Variants in MPP7 observed in about 807,000 individuals in gnomAD.
The protein encoded by MPP7 is MAGUK p55 scaffold protein 7, also known as MAGUK p55 subfamily member 7.
A neutral mutation model predicts 76.5 loss-of-function variants in MPP7; 60 were observed. The observed-to-expected ratio is 0.78, with a 90% CI of 0.64 to 0.97. The LOEUF (loss-of-function observed/expected upper bound fraction) is 0.97. MPP7 is among the 50% of genes least tolerant of loss of function. The pLI is 0.00. For missense variants in MPP7, 641 were observed against 694.0 expected, an observed-to-expected ratio of 0.92 and a Z score of 0.86; for synonymous variants, 237 against 244.5, an observed-to-expected ratio of 0.97 and a Z score of 0.29.
At chr10:28,153,655 A>G (rs2133790658) in intron 3 of MPP7, among the ~76,000 whole-genome samples, 1 of 152,342 alleles carries the variant, frequency 6.6e-6, no homozygotes, top group African/African-American at 2.4e-5. Context: ...ATAAATGTTT[A>G]ATTTTAGTGA....
intron 3 of MPP7, among the ~76,000 whole-genome samples, chr10:28,189,630 CTGTA>C (rs1837347955): frequency 9.2e-6 from 1 of 108,396 alleles, no homozygotes; most frequent in Non-Finnish European, 1.9e-5. Context: ...GTGTTGCTAA[CTGTA>C]GGGCAAGCAC....
intron 2 of MPP7, among the ~76,000 whole-genome samples, chr10:28,235,751 A>G (rs1839052342): frequency 6.6e-6 from 1 of 152,224 alleles, no homozygotes; most frequent in Admixed American, 6.5e-5. Context: ...GGTAGCATGC[A>G]CCATACAGAA....
At chr10:28,127,870 T>A (rs1179373162) in intron 6 of MPP7, among the ~76,000 whole-genome samples, 1 of 152,134 alleles carries the variant, frequency 6.6e-6, no homozygotes, top group Non-Finnish European at 1.5e-5. Flanking sequence ...GAGAAGATGA[T>A]GTCTGAGTGA....
At chr10:28,297,765 T>C (rs973685851) in intron 1 of MPP7, among the ~76,000 whole-genome samples, 1 of 152,240 alleles carries the variant, frequency 6.6e-6, no homozygotes. Context: ...ATCTCTCTTT[T>C]GGTAGCATTT....
At chr10:28,122,634 T>A (rs1025641082) in intron 8 of MPP7, among the ~76,000 whole-genome samples, 1 of 152,222 alleles carries the variant, frequency 6.6e-6, no homozygotes, top group Non-Finnish European at 1.5e-5. Flanking sequence ...GGGCTTGGCA[T>A]CACCTTCGTG....
rs762252605 is a variant in MPP7, at chr10:28,069,772, G to A, written c.1204C>T (p.His402Tyr). The change falls in exon 13 of 17, where the codon CAT becomes TAT. Residue 402 changes from histidine (H) to tyrosine (Y), a missense_variant and splice_region_variant. Coordinates refer to ENST00000683449, the MANE Select transcript of MPP7 (RefSeq NM_001318170.2). Reference protein sequence around the residue: ...DTQHYGVTVPHTTRARRSQES... With the variant: ...DTQHYGVTVPYTTRARRSQES... Reference sequence around the variant, plus strand: ...GAACACTGAGTAGCGCAGAACTCACGGGGCACTGTCACGCCATAGTGCTGG... The same window carrying A: ...GAACACTGAGTAGCGCAGAACTCACAGGGCACTGTCACGCCATAGTGCTGG... The A allele has an allele frequency of 4.3e-5, 70 of 1,612,496 alleles. No individual in the cohort carries two copies. The Middle Eastern group carries it at 4.9e-4, about 11-fold the overall frequency.
At chr10:28,233,716 T>TTA (rs1838970020) in intron 2 of MPP7, among the ~76,000 whole-genome samples, 1 of 105,374 alleles carries the variant, frequency 9.5e-6, no homozygotes, top group Non-Finnish European at 1.8e-5. Flanking sequence ...AGACTCCGTC[T>TTA]CAAAAAAAAA....
intron 11 of MPP7, chr10:28,118,626 A>G: frequency 1.0e-6 from 1 of 985,462 alleles, no homozygotes. Flanking sequence ...TTCTGATGTC[A>G]GAAGACTTGT....
chr10:28,076,287 TGACAGGTGA>T (rs1852479153), intron 12 of MPP7, among the ~76,000 whole-genome samples: 1 of 152,164 alleles, frequency 6.6e-6, no homozygotes, highest in South Asian at 2.1e-4. Context: ...GAGACTGCAT[TGACAGGTGA>T]GACTTCTGAG....
At chr10:28,211,432 T>C (rs904378800) in intron 2 of MPP7, among the ~76,000 whole-genome samples, 2 of 141,752 alleles carry the variant, frequency 1.4e-5, no homozygotes, top group Non-Finnish European at 3.0e-5. Flanking sequence ...TGTCTTGCAG[T>C]ATATTTTTTG....
intron 1 of MPP7, among the ~76,000 whole-genome samples, chr10:28,262,820 C>T (rs1840033978): frequency 6.6e-6 from 1 of 152,058 alleles, no homozygotes; most frequent in Non-Finnish European, 1.5e-5. Context: ...CTTTGGGAGG[C>T]CGAGGTGGGC....
intron 11 of MPP7, among the ~76,000 whole-genome samples, chr10:28,096,569 G>A (rs1853580275): frequency 6.6e-6 from 1 of 151,992 alleles, no homozygotes; most frequent in Admixed American, 6.6e-5. Context: ...AAAGATGTAA[G>A]GTTTTCAATT....
At chr10:28,271,992 A>T (rs1054584265) in intron 1 of MPP7, among the ~76,000 whole-genome samples, 5 of 152,130 alleles carry the variant, frequency 3.3e-5, no homozygotes, top group Admixed American at 6.5e-5. Context: ...AAACAAAAAA[A>T]AGATTCTGGG....
intron 3 of MPP7, among the ~76,000 whole-genome samples, chr10:28,187,991 T>C (rs1200934404): frequency 6.6e-6 from 1 of 152,210 alleles, no homozygotes. Flanking sequence ...TTCTGAAATT[T>C]CCAGGTTGGA....
At position 28,125,214 on chromosome 10, in the gene MPP7, T is replaced by C. The variant is rs539029867; in HGVS notation, c.448-123A>G. ...AACTACAAAAACGAAAAAAAAGAAA[T>C]GAGGCAGGAAAAATAGACATCATGC... On this transcript the variant is annotated intron_variant, in intron 6 of 16. Transcript: ENST00000683449. 79 of 772,414 alleles carry C rather than the reference T, an allele frequency of 1.0e-4. No homozygotes were observed. The African/African-American group carries it at 1.3e-3, about 13-fold the overall frequency. 47.8% of individuals were successfully genotyped at this position (772,414 alleles called of 1,614,324 possible). A position where few individuals can be genotyped will look rare whatever the true frequency, so the allele number is the denominator to read the frequency against.
chr10:28,299,369 G>A (rs1841100558), intron 1 of MPP7, among the ~76,000 whole-genome samples: 1 of 152,198 alleles, frequency 6.6e-6, no homozygotes, highest in Non-Finnish European at 1.5e-5. Context: ...GAGAGGAAGA[G>A]AGTTGGGGAA....
At position 28,216,919 on chromosome 10, in the gene MPP7, T is replaced by C. The variant is rs117803126; in HGVS notation, c.38-14648A>G. 2.0e-3 allele frequency among the ~76,000 whole-genome samples: 304 copies of C among 152,182 alleles called. 3 individuals carry two copies. Among genetic ancestry groups the C allele is most frequent in the Admixed American group, 3.1e-3 (47 of 15,278 alleles). On this transcript the variant is annotated intron_variant, in intron 2 of 16. Coordinates refer to ENST00000683449, the MANE Select transcript of MPP7 (RefSeq NM_001318170.2). ...GGAAAATCCTGGTTACATTCAGAGA[T>C]GGTGGCAAAAAGAGTCAGCAATATA...
chr10:28,309,787 G>A (rs1841278979), intron 2 of MPP7, among the ~76,000 whole-genome samples: 1 of 152,056 alleles, frequency 6.6e-6, no homozygotes, highest in African/African-American at 2.4e-5. Flanking sequence ...GACAGTCAGT[G>A]CGTTCTTTGG....
At chr10:28,058,050 G>C (rs2257211) in intron 15 of MPP7, among the ~76,000 whole-genome samples, 10 of 152,132 alleles carry the variant, frequency 6.6e-5, no homozygotes, top group South Asian at 2.1e-4. Flanking sequence ...CAGTTCTAGT[G>C]GGGGGTTATT....
Sources: gnomAD v4.1 joint callset for allele counts (sites outside exome capture counted in the v4.1 genomes callset) on GRCh38, gnomAD v4.1.1 for gene constraint, MANE v1.5 for transcripts, NCBI Gene and HGNC (gene_info 2026-07-23, HGNC 2026-07-21) for gene names.